SYT17: variants seen among roughly 807,000 people sequenced by gnomAD.
SYT17 encodes synaptotagmin 17.
A neutral mutation model predicts 46.7 loss-of-function variants in SYT17; 22 were observed. The ratio of observed to expected loss-of-function variants is 0.47; its 90% CI spans 0.34 to 0.67. The LOEUF (loss-of-function observed/expected upper bound fraction) is 0.67, where lower values mean the gene tolerates loss of function less well. Among genes scored for constraint, SYT17 ranks in the 30% least tolerant of loss-of-function variants. The pLI, the probability that SYT17 is intolerant of heterozygous loss-of-function variation, is 0.01. For missense variants in SYT17, 519 were observed against 612.8 expected, an observed-to-expected ratio of 0.85 and a Z score of 1.62; for synonymous variants, 251 against 248.4, an observed-to-expected ratio of 1.01 and a Z score of -0.10.
intron 7 of SYT17, among the ~76,000 whole-genome samples, chr16:19,250,972 C>G (rs936811930): frequency 6.6e-6 from 1 of 152,124 alleles, no homozygotes; most frequent in Non-Finnish European, 1.5e-5. Context: ...GGATCACACC[C>G]CTTCCTTCAT....
At chr16:19,206,518 A>C (rs1180722493) in intron 5 of SYT17, among the ~76,000 whole-genome samples, 1 of 152,156 alleles carries the variant, frequency 6.6e-6, no homozygotes, top group Non-Finnish European at 1.5e-5. Context: ...ACTGTAATAC[A>C]CACTGGGTGC....
chr16:19,234,147 G>A (rs1057091503), intron 7 of SYT17, among the ~76,000 whole-genome samples: 1 of 151,988 alleles, frequency 6.6e-6, no homozygotes, highest in African/African-American at 2.4e-5. Context: ...GCAACATAGC[G>A]AGACCTTACC....
At chr16:19,218,391 C>T (rs1966176529) in intron 5 of SYT17, among the ~76,000 whole-genome samples, 1 of 152,154 alleles carries the variant, frequency 6.6e-6, no homozygotes, top group Admixed American at 6.5e-5. Context: ...GTGGCCGGAT[C>T]AATGGGAATG....
chr16:19,215,142 C>T (rs538419683), intron 5 of SYT17, among the ~76,000 whole-genome samples: 1 of 152,204 alleles, frequency 6.6e-6, no homozygotes, highest in Non-Finnish European at 1.5e-5. Context: ...GTTCTGATTT[C>T]TCAACGGGAA....
At chr16:19,225,349 G>A (rs1266917734) in intron 7 of SYT17, among the ~76,000 whole-genome samples, 1 of 152,174 alleles carries the variant, frequency 6.6e-6, no homozygotes, top group Non-Finnish European at 1.5e-5. Context: ...CCCAGAGGAT[G>A]TAGTATTTAA....
chr16:19,214,074 C>G lies in SYT17; in HGVS notation c.952-8971C>G, dbSNP rs559657805. Among the ~76,000 whole-genome samples the G allele has an allele frequency of 2.0e-5, 3 of 152,168 alleles. No homozygotes were observed. The East Asian group carries it at 5.8e-4, about 29-fold the overall frequency. ...CTACCCACTAGATGCCAGTAGCAGA[C>G]CCTACCCTATTCCCCAGTTATGACA... On this transcript the variant is annotated intron_variant, in intron 5 of 7. Coordinates refer to ENST00000355377, the MANE Select transcript of SYT17 (RefSeq NM_016524.4).
chr16:19,264,134 C>T (rs1005818093), intron 7 of SYT17, among the ~76,000 whole-genome samples: 3 of 152,194 alleles, frequency 2.0e-5, no homozygotes, highest in Non-Finnish European at 4.4e-5. Flanking sequence ...TCTCACCAGA[C>T]ACCGAATTTG....
In SYT17 at chr16:19,211,468, C is replaced by A. The variant is rs116722272; in HGVS notation, c.952-11577C>A. On this transcript the variant is annotated intron_variant, in intron 5 of 7. Coordinates refer to ENST00000355377, the MANE Select transcript of SYT17 (RefSeq NM_016524.4). ...GGAGAAAAAGGTAAGGACCAAGTAC[C>A]GTGAAGGAAATGACAAGGTGGTGTG... The A allele has an allele frequency of 2.2e-3, 1,527 of 703,642 alleles. 15 individuals are homozygous for A. The African/African-American group carries it at 0.024, about 11-fold the overall frequency. The allele number at this position is 703,642 out of a possible 1,614,324, so 43.6% of individuals were successfully genotyped here. A position where few individuals can be genotyped will look rare whatever the true frequency, so the allele number is the denominator to read the frequency against.
intron 7 of SYT17, among the ~76,000 whole-genome samples, chr16:19,229,083 C>T (rs1014429245): frequency 6.6e-6 from 1 of 152,180 alleles, no homozygotes; most frequent in African/African-American, 2.4e-5. Flanking sequence ...GATAGCAACA[C>T]ACAGCCCAGA....
At chr16:19,193,437 C>T (rs910863498) in intron 5 of SYT17, among the ~76,000 whole-genome samples, 2 of 152,146 alleles carry the variant, frequency 1.3e-5, no homozygotes, top group Non-Finnish European at 2.9e-5. Context: ...TTTATGTTTC[C>T]GAACATTGCT....
intron 7 of SYT17, among the ~76,000 whole-genome samples, chr16:19,240,941 CTTTTTTTT>C (rs970503158): frequency 1.0e-5 from 1 of 98,788 alleles, no homozygotes. Context: ...AGGCTCAGTT[CTTTTTTTT>C]TTTTTTTTTT....
At chr16:19,188,329 T>C (rs555189460) in intron 5 of SYT17, among the ~76,000 whole-genome samples, 1 of 152,012 alleles carries the variant, frequency 6.6e-6, no homozygotes, top group South Asian at 2.1e-4. Context: ...CAGTGGGGCC[T>C]TTCACAGAAT....
rs899435611 is a variant in SYT17, at chr16:19,267,565, C to G, written c.*489C>G. 6.6e-6 allele frequency: 1 copy of G among 152,634 alleles called. No homozygotes were observed. The highest frequency in any genetic ancestry group is 2.4e-5 in the African/African-American group (1 of 41,466). The allele number at this position is 152,634 out of a possible 1,614,324, so 9.5% of individuals were successfully genotyped here. ...CAGGCTGCTGTTCCCTGGGGTTCTT[C>G]AAACCTGATACCTTTCTCCAAAGGT... On this transcript the variant is annotated 3_prime_UTR_variant, in exon 8 of 8. Transcript: ENST00000355377.
In SYT17 at chr16:19,183,806, C is replaced by T. The variant is rs150476528; in HGVS notation, c.610C>T (p.Arg204Cys). Residue 204 changes from arginine to cysteine, a missense_variant, in exon 5 of 8, where the codon CGC becomes TGC. Physicochemically the swap from Arg to Cys is radical, Grantham distance 180. Coordinates refer to ENST00000355377, the MANE Select transcript of SYT17 (RefSeq NM_016524.4). This position sits in a 1 kb window ranked among gnomAD's most constrained non-coding sequence, Gnocchi z 5.6. ...YDLLHNHLTV[R>C]VIEARDLPPP... is the part of the protein sequence containing the mutation. ...CCTGCTGCACAACCACCTCACCGTG[C>T]GCGTGATCGAGGCCAGGGACCTGCC... is the stretch of plus-strand genomic sequence containing the variant. The T allele has an allele frequency of 4.6e-4, 737 of 1,614,072 alleles. No homozygotes were observed. Among genetic ancestry groups the T allele is most frequent in the Non-Finnish European group, 6.0e-4 (705 of 1,180,050 alleles).
chr16:19,252,781 A>G (rs1968282857), intron 7 of SYT17, among the ~76,000 whole-genome samples: 1 of 151,590 alleles, frequency 6.6e-6, no homozygotes, highest in Admixed American at 6.6e-5. Context: ...AAAAGCTGGG[A>G]TGGATGTTTG....
intron 5 of SYT17, among the ~76,000 whole-genome samples, chr16:19,191,394 G>T (rs1186795231): frequency 6.6e-6 from 1 of 152,170 alleles, no homozygotes; most frequent in Non-Finnish European, 1.5e-5. Flanking sequence ...CCAGAGAGTT[G>T]CCTTGCCCCT....
chr16:19,178,937 A>G (rs971903762), intron 3 of SYT17, among the ~76,000 whole-genome samples: 1 of 151,910 alleles, frequency 6.6e-6, no homozygotes, highest in Non-Finnish European at 1.5e-5. Context: ...GCATGCATCT[A>G]TAGTCCCAGC....
chr16:19,242,864 G>A (rs994369711), intron 7 of SYT17, among the ~76,000 whole-genome samples: 1 of 152,120 alleles, frequency 6.6e-6, no homozygotes, highest in Non-Finnish European at 1.5e-5. Context: ...CCCATAGTGT[G>A]CCTAAGGCTG....
At chr16:19,201,922 GA>G (rs1005757111) in intron 5 of SYT17, among the ~76,000 whole-genome samples, 14 of 152,140 alleles carry the variant, frequency 9.2e-5, no homozygotes, top group African/African-American at 3.4e-4. Flanking sequence ...TTTTCAGGGG[GA>G]AAAGTAGGAG....
Sources: gnomAD v4.1 joint callset for allele counts (sites outside exome capture counted in the v4.1 genomes callset) on GRCh38, gnomAD v4.1.1 for gene constraint, Gnocchi (gnomAD v3.1) non-coding constraint, MANE v1.5 for transcripts, NCBI Gene and HGNC (gene_info 2026-07-23, HGNC 2026-07-21) for gene names.